SLC1A2: variants seen among roughly 807,000 people sequenced by gnomAD.
SLC1A2 encodes the protein excitatory amino acid transporter 2.
A neutral mutation model predicts 48.8 loss-of-function variants in SLC1A2; 15 were observed. The observed-to-expected ratio is 0.31, with a 90% CI of 0.21 to 0.47. The LOEUF (loss-of-function observed/expected upper bound fraction) is 0.47. Ranked by LOEUF, SLC1A2 falls within the 20% of genes least tolerant of loss-of-function variation. The pLI is 0.99. For synonymous variants in SLC1A2, 279 were observed against 272.6 expected (o/e 1.02, Z -0.23); for missense variants, 502 against 730.5 (o/e 0.69, Z 3.61).
At chr11:35,328,228 C>T (rs1402293097) in intron 1 of SLC1A2, among the ~76,000 whole-genome samples, 1 of 152,164 alleles carries the variant, frequency 6.6e-6, no homozygotes, top group Admixed American at 6.5e-5. Context: ...CTGACTCAGC[C>T]AGCACTTGCT....
chr11:35,268,979 G>T (rs566468528), intron 9 of SLC1A2, among the ~76,000 whole-genome samples: 1 of 152,276 alleles, frequency 6.6e-6, no homozygotes, highest in South Asian at 2.1e-4. Flanking sequence ...TTACTGCTGT[G>T]ATCTGAACGT....
At chr11:35,349,226 G>C (rs1853152661) in intron 1 of SLC1A2, among the ~76,000 whole-genome samples, 1 of 152,200 alleles carries the variant, frequency 6.6e-6, no homozygotes, top group Admixed American at 6.5e-5. Context: ...CGATACAGAT[G>C]AGATCAGGGT....
At chr11:35,320,562 C>A (rs755989014) in intron 1 of SLC1A2, among the ~76,000 whole-genome samples, 2 of 152,254 alleles carry the variant, frequency 1.3e-5, no homozygotes, top group Non-Finnish European at 2.9e-5. Flanking sequence ...CTCCACCAGT[C>A]TATGAGCCCC....
chr11:35,358,153 A>AT (rs1565272894), intron 1 of SLC1A2, among the ~76,000 whole-genome samples: 1 of 151,992 alleles, frequency 6.6e-6, no homozygotes, highest in Non-Finnish European at 1.5e-5. Flanking sequence ...AAAAAAAAAA[A>AT]GGGAGGTGGG....
intron 1 of SLC1A2, among the ~76,000 whole-genome samples, chr11:35,403,789 T>C (rs1855200632): frequency 6.6e-6 from 1 of 151,176 alleles, no homozygotes; most frequent in African/African-American, 2.4e-5. Context: ...TATCCTGTGA[T>C]CTTATGACAT....
intron 1 of SLC1A2, among the ~76,000 whole-genome samples, chr11:35,398,305 A>T (rs189414044): frequency 1.0e-3 from 154 of 152,338 alleles, no homozygotes; most frequent in Middle Eastern, 3.4e-3. Flanking sequence ...TGTGGTACAT[A>T]TACACCACAG....
intron 1 of SLC1A2, among the ~76,000 whole-genome samples, chr11:35,342,520 TTTTGTTGTTGTTGTTGTTG>T (rs1565260372): frequency 1.1e-5 from 1 of 94,370 alleles, no homozygotes; most frequent in Non-Finnish European, 2.4e-5. Context: ...TGAGTGTTTT[TTTTGTTGTTGTTGTTGTTG>T]TTTGTTGTTT....
rs545454402 is a variant in SLC1A2, at chr11:35,261,196, G to A, written c.1654-231C>T. On this transcript the variant is annotated intron_variant, in intron 10 of 10. Coordinates refer to ENST00000278379, the MANE Select transcript of SLC1A2 (RefSeq NM_004171.4). ...AGTATCAAGGTATTAAAGCTGCTTT[G>A]TAATTTGGGGAATAACTTCTACTAT... Among the ~76,000 whole-genome samples, 383 of 152,294 alleles carry A rather than the reference G, an allele frequency of 2.5e-3. 2 individuals carry two copies. The highest frequency in any genetic ancestry group is 8.6e-3 in the African/African-American group (358 of 41,574).
At chr11:35,321,165 C>T (rs939258559) in intron 1 of SLC1A2, among the ~76,000 whole-genome samples, 1 of 152,314 alleles carries the variant, frequency 6.6e-6, no homozygotes, top group East Asian at 1.9e-4. Flanking sequence ...TGATAACTCA[C>T]TCACTATCAC....
chr11:35,388,642 G>A (rs190417042), intron 1 of SLC1A2, among the ~76,000 whole-genome samples: 5 of 152,190 alleles, frequency 3.3e-5, no homozygotes, highest in African/African-American at 1.2e-4. Flanking sequence ...TGATCCTCCC[G>A]CCTCGGCCTC....
In SLC1A2 at chr11:35,260,476, G is replaced by T; in HGVS notation, c.*418C>A. ...TCTTGTGCATAACAAGGCGAGACAT[G>T]GAGAACACTTTAAGGAATAACACGC... On this transcript the variant is annotated 3_prime_UTR_variant, in exon 11 of 11. Coordinates refer to ENST00000278379, the MANE Select transcript of SLC1A2 (RefSeq NM_004171.4). 1 of 165,574 alleles carries T rather than the reference G, an allele frequency of 6.0e-6. No homozygotes were observed. The highest frequency in any genetic ancestry group is 1.3e-5 in the Non-Finnish European group (1 of 75,306). 10.3% of individuals were successfully genotyped at this position (165,574 alleles called of 1,614,324 possible).
intron 5 of SLC1A2, among the ~76,000 whole-genome samples, chr11:35,302,379 T>A (rs1317331786): frequency 6.6e-6 from 1 of 152,200 alleles, no homozygotes. Flanking sequence ...AAAGACAGAA[T>A]ATAGATTCAC....
intron 6 of SLC1A2, among the ~76,000 whole-genome samples, chr11:35,292,865 T>A (rs1851056379): frequency 6.6e-6 from 1 of 152,152 alleles, no homozygotes; most frequent in Admixed American, 6.5e-5. Flanking sequence ...GTTTGATTTG[T>A]GTTCCTCAGT....
intron 1 of SLC1A2, chr11:35,360,097 T>A (rs932395350): frequency 5.1e-6 from 5 of 985,200 alleles, no homozygotes; most frequent in Non-Finnish European, 6.0e-6. Flanking sequence ...TGGAGTGAGC[T>A]GTGCCTTCCA....
intron 1 of SLC1A2, among the ~76,000 whole-genome samples, chr11:35,336,119 G>A (rs1044242927): frequency 8.0e-6 from 1 of 125,412 alleles, no homozygotes; most frequent in African/African-American, 3.0e-5. Context: ...TGAACAATGA[G>A]AACACATGGA....
At chr11:35,327,082 G>A (rs751766404) in intron 1 of SLC1A2, among the ~76,000 whole-genome samples, 1 of 152,218 alleles carries the variant, frequency 6.6e-6, no homozygotes, top group African/African-American at 2.4e-5. Flanking sequence ...AGTCAACCGT[G>A]TTTGAAATTC....
chr11:35,292,552 A>G, intron 6 of SLC1A2, 32 bp from the exon 7 acceptor site: 1 of 1,420,148 alleles, frequency 7.0e-7, no homozygotes, highest in Non-Finnish European at 9.9e-7. Context: ...AACAGCATTG[A>G]AGAGATCATT....
rs147805317 is a variant in SLC1A2, at chr11:35,251,889, C to T, written c.*9005G>A. The T allele has an allele frequency of 8.4e-3, 1,286 of 152,698 alleles. 10 individuals carry two copies. Among genetic ancestry groups the T allele is most frequent in the Non-Finnish European group, 0.014 (955 of 68,020 alleles). 9.5% of individuals were successfully genotyped at this position (152,698 alleles called of 1,614,324 possible). On this transcript the variant is annotated 3_prime_UTR_variant, in exon 11 of 11. Transcript: ENST00000278379. Reference sequence around the variant, plus strand: ...AGAAAGGGGTTACAGGAACTATAGACCTCACAGCATTGTATTTAGCGATAA... The same window carrying T: ...AGAAAGGGGTTACAGGAACTATAGATCTCACAGCATTGTATTTAGCGATAA...
intron 1 of SLC1A2, among the ~76,000 whole-genome samples, chr11:35,319,626 C>T (rs1488812815): frequency 6.6e-6 from 1 of 152,222 alleles, no homozygotes; most frequent in East Asian, 1.9e-4. Context: ...GGCATCAAAA[C>T]AGCCATGTCA....
Sources: gnomAD v4.1 joint callset for allele counts (sites outside exome capture counted in the v4.1 genomes callset) on GRCh38, gnomAD v4.1.1 for gene constraint, MANE v1.5 for transcripts, NCBI Gene and HGNC (gene_info 2026-07-23, HGNC 2026-07-21) for gene names.